GRAMD1B: variants seen among roughly 807,000 people sequenced by gnomAD.
GRAMD1B encodes GRAM domain containing 1B.
In GRAMD1B, 37 loss-of-function variants were observed where a neutral mutation model predicts 99.7. That is an observed-to-expected ratio of 0.37 (90% CI 0.29 to 0.49). GRAMD1B has a LOEUF of 0.49. GRAMD1B is among the 20% of genes least tolerant of loss of function. The pLI, the probability that GRAMD1B is intolerant of heterozygous loss-of-function variation, is 0.98. For synonymous variants in GRAMD1B, 427 were observed against 387.6 expected (o/e 1.10, Z -1.19); for missense variants, 888 against 1,009.2 (o/e 0.88, Z 1.63).
intron 1 of GRAMD1B, among the ~76,000 whole-genome samples, chr11:123,403,904 C>A (rs1264305270): frequency 6.6e-6 from 1 of 152,024 alleles, no homozygotes; most frequent in Non-Finnish European, 1.5e-5. Context: ...CTAGTCTTTG[C>A]CACTTAGAAA....
intron 1 of GRAMD1B, among the ~76,000 whole-genome samples, chr11:123,412,851 G>C: frequency 6.6e-6 from 1 of 152,104 alleles, no homozygotes; most frequent in East Asian, 1.9e-4. Context: ...GCGCGATCTC[G>C]GCTTACTGCA....
At chr11:123,564,661 G>A (rs937193455) in intron 2 of GRAMD1B, among the ~76,000 whole-genome samples, 2 of 152,240 alleles carry the variant, frequency 1.3e-5, no homozygotes, top group African/African-American at 4.8e-5. Flanking sequence ...ACCTGGCATG[G>A]GCATAGAACA....
chr11:123,603,528 T>C lies in GRAMD1B; in HGVS notation c.1153T>C (p.Phe385Leu), dbSNP rs766828280. 2 of 1,608,892 alleles carry C rather than the reference T, an allele frequency of 1.2e-6. No homozygotes were observed. Among genetic ancestry groups the C allele is most frequent in the Non-Finnish European group, 1.7e-6 (2 of 1,175,222 alleles). Reference protein sequence around the residue: ...DEDYVPPDDDFNTMGYCEEIP... With the variant: ...DEDYVPPDDDLNTMGYCEEIP... Reference sequence around the variant, plus strand: ...GGACTACGTGCCCCCTGACGACGACTTCAACACAATGGGGTGAGTGAGGCC... The same window carrying C: ...GGACTACGTGCCCCCTGACGACGACCTCAACACAATGGGGTGAGTGAGGCC... Residue 385 changes from phenylalanine to leucine, a missense_variant, in exon 9 of 20, where the codon TTC (phenylalanine) becomes CTC (leucine). Coordinates refer to ENST00000635736, the MANE Select transcript of GRAMD1B (RefSeq NM_001387025.1).
intron 1 of GRAMD1B, among the ~76,000 whole-genome samples, chr11:123,467,394 C>CA (rs1950737029): frequency 9.7e-6 from 1 of 103,342 alleles, no homozygotes; most frequent in Non-Finnish European, 1.8e-5. Context: ...TTTTCAACAC[C>CA]TTTTTTTTTT....
intron 1 of GRAMD1B, among the ~76,000 whole-genome samples, chr11:123,403,851 C>T (rs1471005104): frequency 6.6e-6 from 1 of 152,096 alleles, no homozygotes; most frequent in Non-Finnish European, 1.5e-5. Flanking sequence ...GCCTGCTTGT[C>T]ATTAGTTTTA....
chr11:123,610,411 G>C lies in GRAMD1B; in HGVS notation c.1919+73G>C. 1 of 1,456,248 alleles carries C rather than the reference G, an allele frequency of 6.9e-7. No homozygotes were observed. Among genetic ancestry groups the C allele is most frequent in the Non-Finnish European group, 9.6e-7 (1 of 1,041,964 alleles). The allele number at this position is 1,456,248 out of a possible 1,614,324, so 90.2% of individuals were successfully genotyped here. On this transcript the variant is annotated intron_variant, in intron 14 of 19. Transcript: ENST00000635736. The surrounding 1 kb of genome is among the most constrained non-coding windows in gnomAD (Gnocchi z 4.1). ...TAGAGAACATTCATTTGCTCCTGAC[G>C]GGGAAGGAGGAGGTGGGGAGTGCTT...
At chr11:123,533,024 C>T (rs1181510349) in intron 2 of GRAMD1B, among the ~76,000 whole-genome samples, 1 of 152,244 alleles carries the variant, frequency 6.6e-6, no homozygotes, top group Non-Finnish European at 1.5e-5. Context: ...GGCTGAAGTG[C>T]AATGGTGCGA....
At chr11:123,538,896 C>A (rs1038340940) in intron 2 of GRAMD1B, among the ~76,000 whole-genome samples, 1 of 151,912 alleles carries the variant, frequency 6.6e-6, no homozygotes. Flanking sequence ...CCTAAAGTGC[C>A]GGGATTACAG....
chr11:123,616,781 G>A (rs887553571), intron 17 of GRAMD1B, among the ~76,000 whole-genome samples: 2 of 152,212 alleles, frequency 1.3e-5, no homozygotes, highest in African/African-American at 4.8e-5. Flanking sequence ...GCACACAGGG[G>A]TATCCCTTGA....
chr11:123,498,935 A>G (rs1939582762), intron 2 of GRAMD1B, among the ~76,000 whole-genome samples: 1 of 152,192 alleles, frequency 6.6e-6, no homozygotes, highest in Non-Finnish European at 1.5e-5. Flanking sequence ...GATAAAGAAA[A>G]TGTAAATAAA....
intron 19 of GRAMD1B, among the ~76,000 whole-genome samples, chr11:123,621,703 A>T (rs1004448270): frequency 6.6e-6 from 1 of 152,178 alleles, no homozygotes; most frequent in Admixed American, 6.5e-5. Flanking sequence ...CTTGTGGTAT[A>T]TTAAGGATCA....
chr11:123,524,705 A>C (rs918152474), intron 2 of GRAMD1B, among the ~76,000 whole-genome samples: 3 of 152,170 alleles, frequency 2.0e-5, no homozygotes, highest in Non-Finnish European at 4.4e-5. Context: ...ATACGACACG[A>C]GGATGTCTGC....
At chr11:123,600,930 G>T (rs1430006070) in intron 8 of GRAMD1B, among the ~76,000 whole-genome samples, 1 of 152,184 alleles carries the variant, frequency 6.6e-6, no homozygotes, top group South Asian at 2.1e-4. Context: ...GAAGAAGTGG[G>T]CAGAGCCTTT....
At chr11:123,502,771 T>A in intron 2 of GRAMD1B, among the ~76,000 whole-genome samples, 1 of 69,350 alleles carries the variant, frequency 1.4e-5, no homozygotes. Flanking sequence ...CGAGACTCCA[T>A]CTCAAAAAAA....
At chr11:123,407,472 C>T (rs1247463141) in intron 1 of GRAMD1B, among the ~76,000 whole-genome samples, 1 of 152,152 alleles carries the variant, frequency 6.6e-6, no homozygotes, top group Non-Finnish European at 1.5e-5. Flanking sequence ...CAGGTGAAAC[C>T]TGCAGGCTCT....
chr11:123,614,277 A>G (rs1161857666), intron 16 of GRAMD1B, among the ~76,000 whole-genome samples: 4 of 152,076 alleles, frequency 2.6e-5, no homozygotes, highest in Non-Finnish European at 1.5e-5. Flanking sequence ...CATGCCGCCT[A>G]GCTTTACCCC....
intron 1 of GRAMD1B, among the ~76,000 whole-genome samples, chr11:123,467,524 T>A (rs927733435): frequency 6.6e-6 from 1 of 151,008 alleles, no homozygotes; most frequent in Non-Finnish European, 1.5e-5. Flanking sequence ...GTTGGATAAC[T>A]GAGAATTGGA....
At position 123,481,220 on chromosome 11, in the gene GRAMD1B, C is replaced by T. The variant is rs934286342; in HGVS notation, c.452+327C>T. On this transcript the variant is annotated intron_variant, in intron 2 of 19. Transcript: ENST00000635736. Reference sequence around the variant, plus strand: ...CGGCAATCTCATTACTTTGGGAGGTCGAGGCGGGCGGATCACTTGAGATCT... The same window carrying T: ...CGGCAATCTCATTACTTTGGGAGGTTGAGGCGGGCGGATCACTTGAGATCT... 5.9e-5 allele frequency among the ~76,000 whole-genome samples: 9 copies of T among 152,030 alleles called. No homozygotes were observed. In the East Asian group the frequency reaches 1.3e-3, roughly 23 times the overall value.
At chr11:123,539,114 A>G (rs1944256889) in intron 2 of GRAMD1B, among the ~76,000 whole-genome samples, 1 of 151,948 alleles carries the variant, frequency 6.6e-6, no homozygotes, top group South Asian at 2.1e-4. Flanking sequence ...AATCCCAGCT[A>G]CTCGGCAGGC....
Sources: allele counts gnomAD v4.1 joint callset (sites outside exome capture counted in the v4.1 genomes callset), GRCh38; gene constraint gnomAD v4.1.1; non-coding constraint Gnocchi (gnomAD v3.1); transcripts MANE v1.5; gene names NCBI Gene and HGNC (gene_info 2026-07-23, HGNC 2026-07-21).